PPTC7: variants seen among roughly 807,000 people sequenced by gnomAD.
PPTC7 encodes protein phosphatase PTC7 homolog.
PPTC7 carries 6 observed loss-of-function variants against 30.8 expected under a neutral mutation model. The observed-to-expected ratio is 0.19, with a 90% CI of 0.11 to 0.38. The LOEUF (loss-of-function observed/expected upper bound fraction) is 0.38. Among genes scored for constraint, PPTC7 ranks in the 10% least tolerant of loss-of-function variants. The probability of loss-of-function intolerance (pLI) is 1.00; values close to 1 mark genes in which losing one functional copy is unlikely to be tolerated. For missense variants in PPTC7, 218 were observed against 404.8 expected (o/e 0.54, Z 3.96); for synonymous variants, 163 against 168.1 (o/e 0.97, Z 0.23).
Position 110,583,128 on chromosome 12 carries a change from G to A in PPTC7, c.-97C>T. On this transcript the variant is annotated 5_prime_UTR_variant, in exon 1 of 6. Coordinates refer to ENST00000354300, the MANE Select transcript of PPTC7 (RefSeq NM_139283.2). ...TCTCCTCAGCCGCAGTCGCGCCGCC[G>A]CTGGGGCGCTCCTCAGGGCGGCGCG... 4.1e-6 allele frequency: 4 copies of A among 981,656 alleles called. No homozygotes were observed. The highest frequency in any genetic ancestry group is 4.0e-6 in the Non-Finnish European group (3 of 757,952). The allele number at this position is 981,656 out of a possible 1,614,324, so 60.8% of individuals were successfully genotyped here.
At chr12:110,582,599 C>A (rs2064647551) in intron 1 of PPTC7, among the ~76,000 whole-genome samples, 2 of 152,224 alleles carry the variant, frequency 1.3e-5, no homozygotes, top group African/African-American at 4.8e-5. Flanking sequence ...CCGCTGTGCG[C>A]CTTAGTTTCC....
chr12:110,550,471 C>T (rs2064342098), intron 2 of PPTC7, among the ~76,000 whole-genome samples: 1 of 151,858 alleles, frequency 6.6e-6, no homozygotes, highest in Non-Finnish European at 1.5e-5. Context: ...ACCTCATGAT[C>T]CGCCCACCTC....
At chr12:110,569,041 C>A (rs1014144051) in intron 1 of PPTC7, among the ~76,000 whole-genome samples, 3 of 147,562 alleles carry the variant, frequency 2.0e-5, no homozygotes, top group South Asian at 4.3e-4. Context: ...CGCCCCCCCC[C>A]CTCAAAAAAA....
chr12:110,572,200 G>A (rs2064542347), intron 1 of PPTC7, among the ~76,000 whole-genome samples: 1 of 152,152 alleles, frequency 6.6e-6, no homozygotes, highest in African/African-American at 2.4e-5. Flanking sequence ...AATCTCAGAA[G>A]TTTAGGAGGC....
intron 5 of PPTC7, among the ~76,000 whole-genome samples, 188 bp downstream of exon 5, chr12:110,537,956 A>G (rs1456575563): frequency 6.6e-6 from 1 of 152,154 alleles, no homozygotes; most frequent in Non-Finnish European, 1.5e-5. Context: ...TCTGAAGGGC[A>G]TGCTGTGTGG....
At chr12:110,557,326 G>C (rs1316751064) in intron 1 of PPTC7, among the ~76,000 whole-genome samples, 1 of 152,226 alleles carries the variant, frequency 6.6e-6, no homozygotes, top group Non-Finnish European at 1.5e-5. Flanking sequence ...GCCCAGGCTG[G>C]AGTAGTGGCC....
chr12:110,550,370 A>G (rs537468572), intron 2 of PPTC7, among the ~76,000 whole-genome samples: 1 of 151,938 alleles, frequency 6.6e-6, no homozygotes, highest in African/African-American at 2.4e-5. Flanking sequence ...AGCTGGGACC[A>G]CAGGTGCCCA....
chr12:110,542,218 C>T (rs1431439776), intron 3 of PPTC7, among the ~76,000 whole-genome samples: 3 of 151,576 alleles, frequency 2.0e-5, no homozygotes, highest in Non-Finnish European at 4.4e-5. Flanking sequence ...TTTGACTCTC[C>T]AAATTGGGGG....
At chr12:110,566,300 T>G (rs188080279) in intron 1 of PPTC7, among the ~76,000 whole-genome samples, 2 of 152,276 alleles carry the variant, frequency 1.3e-5, no homozygotes, top group East Asian at 3.9e-4. Context: ...TAAGTAGAAG[T>G]CACAATCAGC....
At chr12:110,574,435 GA>G (rs932570905) in intron 1 of PPTC7, among the ~76,000 whole-genome samples, 2 of 147,936 alleles carry the variant, frequency 1.4e-5, no homozygotes, top group African/African-American at 4.9e-5. Context: ...AACTGGCTTA[GA>G]AAAAAAAAAG....
chr12:110,552,034 T>G (rs930673332), intron 1 of PPTC7, 66 bp from the exon 2 acceptor site: 1 of 1,331,468 alleles, frequency 7.5e-7, no homozygotes, highest in East Asian at 2.3e-5. Context: ...TTCTTACCTC[T>G]GTTTTCTCCT....
intron 3 of PPTC7, among the ~76,000 whole-genome samples, chr12:110,544,960 C>A (rs767596065): frequency 6.6e-6 from 1 of 152,152 alleles, no homozygotes; most frequent in Non-Finnish European, 1.5e-5. Flanking sequence ...ATATCCAAGA[C>A]CACTTTTTTT....
intron 1 of PPTC7, among the ~76,000 whole-genome samples, chr12:110,568,488 G>A (rs1593162681): frequency 6.6e-6 from 1 of 152,014 alleles, no homozygotes; most frequent in Admixed American, 6.6e-5. Context: ...TCCTGACCTC[G>A]TGATCCGCCC....
chr12:110,542,673 C>CAAAAAAAAAAAAAAAA (rs765332697), intron 3 of PPTC7, among the ~76,000 whole-genome samples: 3 of 26,796 alleles, frequency 1.1e-4, no homozygotes, highest in African/African-American at 3.5e-4. Context: ...GACTCTGTCT[C>CAAAAAAAAAAAAAAAA]AAAAAAAAAA....
intron 1 of PPTC7, among the ~76,000 whole-genome samples, chr12:110,565,342 C>T (rs2064474735): frequency 6.6e-6 from 1 of 151,864 alleles, no homozygotes; most frequent in South Asian, 2.1e-4. Flanking sequence ...CTGCAACCTC[C>T]GCCTCCCAGG....
intron 1 of PPTC7, among the ~76,000 whole-genome samples, chr12:110,566,537 A>T (rs1409312189): frequency 6.6e-6 from 1 of 152,220 alleles, no homozygotes; most frequent in East Asian, 1.9e-4. Flanking sequence ...AGGAACGAGG[A>T]TAACCTCTTC....
intron 1 of PPTC7, among the ~76,000 whole-genome samples, chr12:110,561,471 G>A (rs1178343460): frequency 6.6e-6 from 1 of 152,054 alleles, no homozygotes; most frequent in East Asian, 1.9e-4. Context: ...CCACCACCAT[G>A]CTTGGCTAAT....
chr12:110,540,306 T>TC, intron 3 of PPTC7, among the ~76,000 whole-genome samples: 1 of 140,416 alleles, frequency 7.1e-6, no homozygotes. Flanking sequence ...ACAGCCGAAT[T>TC]CCATCCCCCC....
intron 1 of PPTC7, among the ~76,000 whole-genome samples, chr12:110,574,190 A>G (rs1031340503): frequency 6.7e-6 from 1 of 149,578 alleles, no homozygotes; most frequent in Admixed American, 6.7e-5. Flanking sequence ...AGCATTAGAC[A>G]TGCAAGCAAG....
Sources: allele counts gnomAD v4.1 joint callset (sites outside exome capture counted in the v4.1 genomes callset), GRCh38; gene constraint gnomAD v4.1.1; transcripts MANE v1.5; gene names NCBI Gene and HGNC (gene_info 2026-07-23, HGNC 2026-07-21).